PRKN: variants seen among roughly 807,000 people sequenced by gnomAD.
PRKN encodes parkin RBR E3 ubiquitin protein ligase.
PRKN carries 56 observed loss-of-function variants against 59.5 expected under a neutral mutation model. The observed-to-expected ratio is 0.94, with a 90% CI of 0.76 to 1.18. The LOEUF is 1.18. Among genes scored for constraint, PRKN ranks in the 50% most tolerant of loss-of-function variants. The pLI is 0.00. For missense variants in PRKN, 657 were observed against 596.4 expected (o/e 1.10, Z -1.06); for synonymous variants, 250 against 222.1 (o/e 1.13, Z -1.12).
At chr6:161,947,537 C>T (rs1217886653) in intron 6 of PRKN, among the ~76,000 whole-genome samples, 1 of 152,106 alleles carries the variant, frequency 6.6e-6, no homozygotes, top group Admixed American at 6.5e-5. Flanking sequence ...CAGCGGCTTC[C>T]CCAGACCACT....
intron 1 of PRKN, among the ~76,000 whole-genome samples, chr6:162,562,419 C>A (rs1275328714): frequency 1.3e-5 from 2 of 152,138 alleles, no homozygotes; most frequent in Admixed American, 6.5e-5. Context: ...CAGGACTTGA[C>A]CCTTGGATGG....
intron 7 of PRKN, among the ~76,000 whole-genome samples, chr6:161,739,234 C>T (rs1242290072): frequency 1.3e-5 from 2 of 151,952 alleles, no homozygotes; most frequent in Non-Finnish European, 2.9e-5. Flanking sequence ...ATGGCAAGAT[C>T]CCATCTCTAC....
At position 161,409,737 on chromosome 6, in the gene PRKN, G is replaced by T. The variant is rs1787436057; in HGVS notation, c.1084-22860C>A. On this transcript the variant is annotated intron_variant, in intron 9 of 11. Transcript: ENST00000366898. This position sits in a 1 kb window ranked among gnomAD's most constrained non-coding sequence, Gnocchi z 4.6. ...AAACCCAGTGTTCTTTCAGAGTCAG[G>T]TCGCTGTTAGATGACAACCCCTTCA... is the stretch of plus-strand genomic sequence containing the variant. Among the ~76,000 whole-genome samples the T allele has an allele frequency of 2.0e-5, 3 of 152,144 alleles. No homozygotes were observed. Among genetic ancestry groups the T allele is most frequent in the African/African-American group, 7.2e-5 (3 of 41,426 alleles).
Position 161,457,782 on chromosome 6 carries a change from A to G in PRKN, c.1084-70905T>C, listed in dbSNP as rs1790037846. Reference sequence around the variant, plus strand: ...CAACTTCCTGTGTGTGTGTTACCACACTCTTAATATGAAAACATGTGTGAT... The same window carrying G: ...CAACTTCCTGTGTGTGTGTTACCACGCTCTTAATATGAAAACATGTGTGAT... On this transcript the variant is annotated intron_variant, in intron 9 of 11. Coordinates refer to ENST00000366898, the MANE Select transcript of PRKN (RefSeq NM_004562.3). This position sits in a 1 kb window ranked among gnomAD's most constrained non-coding sequence, Gnocchi z 5.0. Among the ~76,000 whole-genome samples, 1 of 152,228 alleles carries G rather than the reference A, an allele frequency of 6.6e-6. No homozygotes were observed. The highest frequency in any genetic ancestry group is 2.1e-4 in the South Asian group (1 of 4,832).
intron 6 of PRKN, among the ~76,000 whole-genome samples, chr6:161,941,553 T>C (rs555919425): frequency 2.6e-5 from 4 of 152,352 alleles, no homozygotes; most frequent in Admixed American, 1.3e-4. Context: ...AACCCTGGGA[T>C]AGAGAAAGTC....
At chr6:162,375,242 C>G (rs1262625018) in intron 2 of PRKN, among the ~76,000 whole-genome samples, 3 of 151,996 alleles carry the variant, frequency 2.0e-5, no homozygotes, top group Admixed American at 2.0e-4. Flanking sequence ...TAGAATGAAA[C>G]AGCTTTAGAC....
At chr6:161,803,657 C>T (rs1017317381) in intron 6 of PRKN, among the ~76,000 whole-genome samples, 1 of 152,172 alleles carries the variant, frequency 6.6e-6, no homozygotes, top group Admixed American at 6.5e-5. Context: ...GTGAGCTGCC[C>T]GGTTTCTTAG....
At chr6:162,317,511 C>T (rs539455711) in intron 2 of PRKN, among the ~76,000 whole-genome samples, 117 of 152,150 alleles carry the variant, frequency 7.7e-4, no homozygotes, top group Admixed American at 3.5e-3. Flanking sequence ...TGAAAACACA[C>T]TAATACAGGT....
At chr6:161,492,524 TA>T (rs1167434396) in intron 9 of PRKN, among the ~76,000 whole-genome samples, 1 of 152,254 alleles carries the variant, frequency 6.6e-6, no homozygotes, top group Non-Finnish European at 1.5e-5. Context: ...CCAGAACTGC[TA>T]AATTCCATCT....
chr6:162,577,608 TAAATAAAATAAAATA>T (rs71004101), intron 1 of PRKN, among the ~76,000 whole-genome samples: 3 of 137,184 alleles, frequency 2.2e-5, no homozygotes, highest in South Asian at 4.7e-4. Flanking sequence ...TCAAAATAAA[TAAATAAAATAAAATA>T]AAATAAAATA....
chr6:161,821,357 C>T (rs1383079318), intron 6 of PRKN, among the ~76,000 whole-genome samples: 3 of 152,068 alleles, frequency 2.0e-5, no homozygotes, highest in Admixed American at 6.6e-5. Context: ...TTTCCTAGCC[C>T]GTACATAATC....
chr6:161,880,397 T>C (rs1470406714), intron 6 of PRKN, among the ~76,000 whole-genome samples: 2 of 152,228 alleles, frequency 1.3e-5, no homozygotes, highest in Non-Finnish European at 2.9e-5. Context: ...AGAGATATGA[T>C]CATATTTATC....
In PRKN at chr6:161,552,455, CCT is replaced by C. The variant is rs780272190; in HGVS notation, c.934-3454_934-3453del. 0.35 allele frequency among the ~76,000 whole-genome samples: 50,195 copies of C among 144,240 alleles called. 14,303 individuals are homozygous for C. Among genetic ancestry groups the C allele is most frequent in the East Asian group, 0.51 (2,441 of 4,772 alleles). 94.6% of individuals were successfully genotyped at this position (144,240 alleles called of 152,430 possible). A position where few individuals can be genotyped will look rare whatever the true frequency, so the allele number is the denominator to read the frequency against. ...AGCCTCTCTCCCTCAGCTCTGTTCA[CCT>C]CCGCCTATGACTGTGAATGATCTCA... On this transcript the variant is annotated intron_variant, in intron 8 of 11. Coordinates refer to ENST00000366898, the MANE Select transcript of PRKN (RefSeq NM_004562.3). This position sits in a 1 kb window ranked among gnomAD's most constrained non-coding sequence, Gnocchi z 4.9.
chr6:161,823,658 G>T (rs1792127144), intron 6 of PRKN, among the ~76,000 whole-genome samples: 1 of 152,130 alleles, frequency 6.6e-6, no homozygotes, highest in South Asian at 2.1e-4. Context: ...AAATGTTAGG[G>T]TAACCCATTA....
At chr6:162,436,203 A>C (rs1583569283) in intron 2 of PRKN, among the ~76,000 whole-genome samples, 1 of 148,062 alleles carries the variant, frequency 6.8e-6, no homozygotes, top group East Asian at 2.0e-4. Flanking sequence ...AAAAAAAAAA[A>C]ATTTGAATAA....
intron 9 of PRKN, among the ~76,000 whole-genome samples, chr6:161,387,912 G>A (rs563178193): frequency 1.3e-5 from 2 of 152,306 alleles, no homozygotes; most frequent in East Asian, 1.9e-4. Context: ...GAGAGATGAT[G>A]AGCAGCATTC....
intron 9 of PRKN, among the ~76,000 whole-genome samples, chr6:161,452,831 G>A (rs1468514422): frequency 5.9e-5 from 9 of 151,978 alleles, no homozygotes; most frequent in South Asian, 4.2e-4. Flanking sequence ...GAGGGGCAGG[G>A]AGCCCTTGAC....
chr6:162,416,032 G>T (rs935310167), intron 2 of PRKN, among the ~76,000 whole-genome samples: 1 of 152,026 alleles, frequency 6.6e-6, no homozygotes, highest in African/African-American at 2.4e-5. Flanking sequence ...AATCAGGCAT[G>T]CCATCTCCAG....
chr6:162,063,874 G>C (rs993011957), intron 4 of PRKN, among the ~76,000 whole-genome samples: 12 of 152,168 alleles, frequency 7.9e-5, no homozygotes, highest in Non-Finnish European at 5.9e-5. Context: ...TAAACATATA[G>C]TTAAACTATG....
Sources: allele counts gnomAD v4.1 joint callset (sites outside exome capture counted in the v4.1 genomes callset), GRCh38; gene constraint gnomAD v4.1.1; non-coding constraint Gnocchi (gnomAD v3.1); transcripts MANE v1.5; gene names NCBI Gene and HGNC (gene_info 2026-07-23, HGNC 2026-07-21).